Variants in ZNF705A observed in about 807,000 individuals in gnomAD.
ZNF705A encodes the protein zinc finger protein 705A.
In ZNF705A, 8 loss-of-function variants were observed where a neutral mutation model predicts 16.6. That is an observed-to-expected ratio of 0.48 (90% confidence interval 0.28 to 0.87). ZNF705A has a LOEUF of 0.87. Among genes scored for constraint, ZNF705A ranks in the 40% least tolerant of loss-of-function variants. The pLI, the probability that ZNF705A is intolerant of heterozygous loss-of-function variation, is 0.10. For synonymous variants in ZNF705A, 73 were observed against 117.3 expected (o/e 0.62, Z 2.44); for missense variants, 233 against 359.9 (o/e 0.65, Z 2.85).
At position 8,176,051 on chromosome 12, in the gene ZNF705A, C is replaced by T. The variant is rs1391715881; in HGVS notation, c.318+109C>T. On this transcript the variant is annotated intron_variant, in intron 4 of 4. Coordinates refer to ENST00000359286, the Ensembl canonical transcript of ZNF705A. ...AGTGTAATTAGGCTGGCATTAAGTG[C>T]TTTCTAAGCAAAAAAAAATTGAATA... is the stretch of plus-strand genomic sequence containing the variant. 1.2e-5 allele frequency: 19 copies of T among 1,534,872 alleles called. No individual in the cohort carries two copies. The East Asian group carries it at 3.6e-4, about 29-fold the overall frequency.
rs1419668416 is a variant in ZNF705A, at chr12:8,177,283, A to G, written c.603A>G (p.Ala201=). ...CTCACACTGGAGAGAGGCCATATGC[A>G]TGTCATCTATGTGGAAAAGCCTTCA... is the stretch of plus-strand genomic sequence containing the variant. The change falls in exon 5 of 5, where the codon GCA becomes GCG. Residue 201 remains alanine, a synonymous_variant. Transcript: ENST00000359286. 1.9e-6 allele frequency: 3 copies of G among 1,611,836 alleles called. No individual in the cohort carries two copies. In the South Asian group the frequency reaches 3.3e-5, roughly 18 times the overall value.
chr12:8,157,161 G>C (rs1302167208), intron 1 of ZNF705A, 69 bp downstream of exon 1: 2 of 396,302 alleles, frequency 5.0e-6, no homozygotes, highest in Non-Finnish European at 8.9e-6. Context: ...CTTGTTCTCT[G>C]TTATGAATTC....
In ZNF705A at chr12:8,174,334, G is replaced by A. The variant is rs781081950; in HGVS notation, c.21G>A (p.Val7=). Reference sequence around the variant, plus strand: ...TGTCTGTGATGTTTTAGAAGAAAGTGACTTTTGAAGATGTAGCTATTGACT... The same window carrying A: ...TGTCTGTGATGTTTTAGAAGAAAGTAACTTTTGAAGATGTAGCTATTGACT... The change falls in exon 2 of 5, where the codon GTG becomes GTA. Residue 7 remains valine (V), a synonymous_variant. Transcript: ENST00000359286. 32 of 1,596,446 alleles carry A rather than the reference G, an allele frequency of 2.0e-5. No homozygotes were observed. In the South Asian group the frequency reaches 3.3e-4, roughly 16 times the overall value.
In ZNF705A at chr12:8,166,983, G is replaced by A. The variant is rs74654663; in HGVS notation, c.-71-5572G>A. On this transcript the variant is annotated intron_variant, in intron 1 of 5. Coordinates refer to the ZNF705A transcript ENST00000396570. ...TTAGTTACCCAAATTTCTGCAGCCT[G>A]CTTGAATTTCAGACAATACCAGTGG... Among the ~76,000 whole-genome samples, 92 of 152,336 alleles carry A rather than the reference G, an allele frequency of 6.0e-4. No individual in the cohort carries two copies. In the East Asian group the frequency reaches 0.017, roughly 28 times the overall value.
chr12:8,173,715 G>A (rs1948463235), intron 1 of ZNF705A, among the ~76,000 whole-genome samples: 1 of 152,178 alleles, frequency 6.6e-6, no homozygotes, highest in African/African-American at 2.4e-5. Context: ...AGCTTTTTCA[G>A]TTCTGAAGAA....
intron 2 of ZNF705A, among the ~76,000 whole-genome samples, chr12:8,174,870 C>A (rs779374584): frequency 5.5e-4 from 63 of 115,162 alleles, no homozygotes; most frequent in Non-Finnish European, 1.1e-3. Context: ...TTTTGTAAAT[C>A]GAATTTTTTT....
chr12:8,177,423 G>T (rs1318413685), exon 5 of ZNF705A: 5 of 1,611,938 alleles, frequency 3.1e-6, no homozygotes, highest in Middle Eastern at 2.2e-4. Flanking sequence ...AGACATGAGA[G>T]AACTCACCTT....
At chr12:8,174,423 T>C (rs766460305) in exon 2 of ZNF705A, 3 of 1,594,618 alleles carry the variant, frequency 1.9e-6, no homozygotes, top group South Asian at 1.1e-5. Flanking sequence ...GATGTGATGC[T>C]GGAAAATATC....
At chr12:8,177,616 T>C (rs1298407044) in exon 5 of ZNF705A, 7 of 1,565,272 alleles carry the variant, frequency 4.5e-6, no homozygotes, top group Non-Finnish European at 6.1e-6. Flanking sequence ...AAAAGCCATA[T>C]GAATGCCATT....
chr12:8,160,540 C>T (rs1449553676), intron 1 of ZNF705A, among the ~76,000 whole-genome samples: 4 of 145,914 alleles, frequency 2.7e-5, no homozygotes, highest in Non-Finnish European at 6.0e-5. Context: ...CCTTTTGCCT[C>T]TTTGGTTAGG....
intron 1 of ZNF705A, among the ~76,000 whole-genome samples, chr12:8,173,570 A>G (rs1948462156): frequency 6.6e-6 from 1 of 152,220 alleles, no homozygotes; most frequent in Admixed American, 6.5e-5. Context: ...TCATCGGACT[A>G]AGATTTCCTC....
At chr12:8,168,066 A>G (rs1331919104), upstream of ZNF705A, among the ~76,000 whole-genome samples, 1 of 152,178 alleles carries the variant, frequency 6.6e-6, no homozygotes, top group Non-Finnish European at 1.5e-5. Flanking sequence ...AGGGAGTTAT[A>G]TCCATGTCCA....
At chr12:8,175,825 T>C in intron 3 of ZNF705A, 35 bp from the exon 5 acceptor site, 2 of 1,610,666 alleles carry the variant, frequency 1.2e-6, no homozygotes, top group Admixed American at 1.7e-5. Context: ...ATTACCATAA[T>C]ACCAATGTAA....
upstream of ZNF705A, chr12:8,172,410 G>C: frequency 1.5e-6 from 1 of 677,232 alleles, no homozygotes; most frequent in Non-Finnish European, 2.5e-6. Context: ...CACGGGAAAA[G>C]AGGAGAGGCC....
upstream of ZNF705A, among the ~76,000 whole-genome samples, chr12:8,169,198 T>C (rs201876314): frequency 6.6e-6 from 1 of 152,228 alleles, no homozygotes; most frequent in Non-Finnish European, 1.5e-5. Context: ...GTATGCAGTG[T>C]TCATTATGCA....
At chr12:8,170,584 T>A (rs779198882), upstream of ZNF705A, among the ~76,000 whole-genome samples, 38 of 152,332 alleles carry the variant, frequency 2.5e-4, 1 homozygote, top group South Asian at 7.9e-3. Flanking sequence ...CACACAAATA[T>A]TCTCTAAAGC....
At chr12:8,173,665 A>G (rs1948462955) in intron 1 of ZNF705A, among the ~76,000 whole-genome samples, 1 of 152,200 alleles carries the variant, frequency 6.6e-6, no homozygotes, top group Non-Finnish European at 1.5e-5. Context: ...ATAACGTTAA[A>G]GAGACTATAT....
At chr12:8,172,757 T>C in intron 1 of ZNF705A, 120 bp downstream of exon 2, 1 of 1,495,398 alleles carries the variant, frequency 6.7e-7, no homozygotes, top group South Asian at 1.2e-5. Context: ...GTTTTTATGA[T>C]GTAAAATCCA....
upstream of ZNF705A, among the ~76,000 whole-genome samples, chr12:8,169,709 T>C (rs1020481187): frequency 7.2e-5 from 11 of 152,238 alleles, no homozygotes; most frequent in Admixed American, 2.6e-4. Flanking sequence ...GAAGATCTGT[T>C]GGAGAACATG....
Sources: gnomAD v4.1 joint callset for allele counts (sites outside exome capture counted in the v4.1 genomes callset) on GRCh38, gnomAD v4.1.1 for gene constraint, MANE v1.5 for transcripts, NCBI Gene and HGNC (gene_info 2026-07-23, HGNC 2026-07-21) for gene names.